LRRC7: variants seen among roughly 807,000 people sequenced by gnomAD.
LRRC7 encodes the protein leucine rich repeat containing 7, also known as leucine-rich repeat-containing protein 7.
A neutral mutation model predicts 175.7 loss-of-function variants in LRRC7; 23 were observed. The ratio of observed to expected loss-of-function variants is 0.13; its 90% CI spans 0.09 to 0.19. LRRC7 has a LOEUF of 0.19. LRRC7 is among the 10% of genes least tolerant of loss of function. The pLI, the probability that LRRC7 is intolerant of heterozygous loss-of-function variation, is 1.00. For synonymous variants in LRRC7, 685 were observed against 680.9 expected (o/e 1.01, Z -0.09); for missense variants, 1,354 against 1,904.7 (o/e 0.71, Z 5.38).
At chr1:69,628,842 C>T (rs570368054) in intron 1 of LRRC7, among the ~76,000 whole-genome samples, 2 of 152,184 alleles carry the variant, frequency 1.3e-5, no homozygotes, top group Admixed American at 1.3e-4. Context: ...TTATCTTTGA[C>T]AATGAATCAC....
At chr1:69,612,915 C>T (rs1165830408) in intron 1 of LRRC7, among the ~76,000 whole-genome samples, 2 of 152,080 alleles carry the variant, frequency 1.3e-5, no homozygotes, top group Admixed American at 6.6e-5. Flanking sequence ...AGCCAAGGCT[C>T]ATCCTTCTAC....
chr1:69,855,601 T>A (rs1278983894), intron 7 of LRRC7, among the ~76,000 whole-genome samples: 59 of 149,272 alleles, frequency 4.0e-4, no homozygotes, highest in African/African-American at 5.2e-4. Flanking sequence ...ATGTATATTC[T>A]GTTGATTTGG....
intron 25 of LRRC7, among the ~76,000 whole-genome samples, chr1:70,106,690 C>T (rs1665168376): frequency 6.6e-6 from 1 of 152,150 alleles, no homozygotes; most frequent in South Asian, 2.1e-4. Context: ...GCTGCGCTCC[C>T]AATCCCATCC....
intron 4 of LRRC7, among the ~76,000 whole-genome samples, chr1:69,824,513 T>A (rs1478708695): frequency 6.6e-6 from 1 of 152,112 alleles, no homozygotes; most frequent in East Asian, 1.9e-4. Flanking sequence ...TAGGACCGCA[T>A]GATTTCTGGT....
At chr1:70,072,979 CTT>C (rs1254542047) in intron 23 of LRRC7, among the ~76,000 whole-genome samples, 3 of 152,120 alleles carry the variant, frequency 2.0e-5, no homozygotes, top group African/African-American at 4.8e-5. Flanking sequence ...ATAATATAGT[CTT>C]TAAAAGGATG....
intron 4 of LRRC7, among the ~76,000 whole-genome samples, chr1:69,824,479 G>A (rs140849218): frequency 2.1e-4 from 32 of 152,172 alleles, no homozygotes; most frequent in Middle Eastern, 3.4e-3. Flanking sequence ...TTATTTAGAA[G>A]TCAGAATAGT....
At chr1:69,782,875 T>C (rs1361963553) in intron 3 of LRRC7, among the ~76,000 whole-genome samples, 1 of 152,160 alleles carries the variant, frequency 6.6e-6, no homozygotes, top group Non-Finnish European at 1.5e-5. Context: ...ATGTGTGTAT[T>C]TGTGTGTGTG....
At position 69,632,797 on chromosome 1, in the gene LRRC7, A is replaced by T. The variant is rs1002974875; in HGVS notation, c.3-45584A>T. On this transcript the variant is annotated intron_variant, in intron 1 of 26. Transcript: ENST00000651989. ...TAATGACTATATATGGGATTAATGA[A>T]TAAATATGTAATTTTATGACTACCA... 5.9e-5 allele frequency among the ~76,000 whole-genome samples: 9 copies of T among 152,292 alleles called. No individual in the cohort carries two copies. In the East Asian group the frequency reaches 1.2e-3, roughly 20 times the overall value.
At chr1:69,889,904 C>T (rs1645781885) in intron 7 of LRRC7, among the ~76,000 whole-genome samples, 2 of 152,106 alleles carry the variant, frequency 1.3e-5, no homozygotes. Flanking sequence ...GAAGCAATTT[C>T]CTGTCTGTTA....
intron 7 of LRRC7, among the ~76,000 whole-genome samples, chr1:69,897,473 G>A (rs1646012095): frequency 6.6e-6 from 1 of 151,794 alleles, no homozygotes; most frequent in Admixed American, 6.6e-5. Context: ...CTTCCTTCTT[G>A]TACATTTCTC....
intron 7 of LRRC7, among the ~76,000 whole-genome samples, chr1:69,899,572 T>C (rs996354127): frequency 5.3e-5 from 8 of 152,232 alleles, no homozygotes; most frequent in Admixed American, 1.3e-4. Context: ...AACTACTCAG[T>C]TCTGCCATTG....
chr1:69,673,254 A>G (rs1570292043), intron 1 of LRRC7, among the ~76,000 whole-genome samples: 1 of 152,140 alleles, frequency 6.6e-6, no homozygotes, highest in East Asian at 1.9e-4. Flanking sequence ...TGATTTTGAG[A>G]CTCTAGCCAA....
chr1:69,660,703 T>C (rs1657333805), intron 1 of LRRC7, among the ~76,000 whole-genome samples: 1 of 151,916 alleles, frequency 6.6e-6, no homozygotes, highest in Non-Finnish European at 1.5e-5. Flanking sequence ...TATGCTCAAG[T>C]TGATTAGAAG....
chr1:69,932,191 G>T (rs537528941), intron 8 of LRRC7, among the ~76,000 whole-genome samples: 47 of 152,162 alleles, frequency 3.1e-4, no homozygotes, highest in Admixed American at 6.5e-4. Context: ...TTTACAAGAC[G>T]GCTCAGCTTT....
intron 7 of LRRC7, among the ~76,000 whole-genome samples, chr1:69,875,789 TGTC>T (rs1557839511): frequency 1.3e-5 from 2 of 152,232 alleles, no homozygotes; most frequent in Admixed American, 1.3e-4. Flanking sequence ...TGTATTGAAC[TGTC>T]TTTTATAAAT....
chr1:69,631,330 G>T (rs959105140), intron 1 of LRRC7, among the ~76,000 whole-genome samples: 1 of 151,760 alleles, frequency 6.6e-6, no homozygotes, highest in African/African-American at 2.4e-5. Flanking sequence ...ACCCATTTTG[G>T]TCCTTGCTTT....
chr1:69,915,913 CTG>C (rs924941299), intron 7 of LRRC7, among the ~76,000 whole-genome samples: 7 of 149,526 alleles, frequency 4.7e-5, no homozygotes, highest in African/African-American at 1.7e-4. Flanking sequence ...GATGACAAAA[CTG>C]AGGTTCAAAG....
intron 1 of LRRC7, among the ~76,000 whole-genome samples, chr1:69,580,389 C>T (rs1035185545): frequency 2.0e-5 from 3 of 152,000 alleles, no homozygotes; most frequent in African/African-American, 4.8e-5. Context: ...AAGATAAAAA[C>T]ATCAACCTAT....
intron 3 of LRRC7, among the ~76,000 whole-genome samples, chr1:69,767,510 G>A (rs537499306): frequency 2.0e-4 from 30 of 152,038 alleles, no homozygotes; most frequent in Non-Finnish European, 3.1e-4. Context: ...AGTCTGGCAT[G>A]CAGTGGCACA....
Sources: gnomAD v4.1 joint callset for allele counts (sites outside exome capture counted in the v4.1 genomes callset) on GRCh38, gnomAD v4.1.1 for gene constraint, MANE v1.5 for transcripts, NCBI Gene and HGNC (gene_info 2026-07-23, HGNC 2026-07-21) for gene names.